The following SERPINA3 variants were observed in gnomAD, a reference collection of about 807,000 sequenced individuals.
SERPINA3 encodes the protein serpin family A member 3, also known as alpha-1-antichymotrypsin.
A neutral mutation model predicts 26.8 loss-of-function variants in SERPINA3; 32 were observed. The observed-to-expected ratio is 1.20, with a 90% CI of 0.90 to 1.61. SERPINA3 has a LOEUF of 1.61. SERPINA3 is among the 40% of genes most tolerant of loss of function. SERPINA3 has a pLI of 0.00. For missense variants in SERPINA3, 632 were observed against 517.9 expected, an observed-to-expected ratio of 1.22 and a Z score of -2.14; for synonymous variants, 252 against 206.4, an observed-to-expected ratio of 1.22 and a Z score of -1.89.
Position 94,614,934 on chromosome 14 carries a change from G to A in SERPINA3, c.493G>A (p.Ala165Thr), listed in dbSNP as rs866271505. 5.6e-6 allele frequency: 9 copies of A among 1,613,528 alleles called. No individual in the cohort carries two copies. The highest frequency in any genetic ancestry group is 2.2e-5 in the East Asian group (1 of 44,870). ...EDAKRLYGSE[A>T]FATDFQDSAA... ...TGCCAAGAGGCTGTATGGCTCCGAG[G>A]CCTTTGCCACTGACTTTCAGGACTC... Residue 165 changes from alanine to threonine, a missense_variant, in exon 2 of 5, where the codon GCC becomes ACC. Transcript: ENST00000393078.
chr14:94,618,169 G>A (rs763012760), intron 2 of SERPINA3: 5 of 152,142 alleles, frequency 3.3e-5, no homozygotes, highest in Non-Finnish European at 7.4e-5. Context: ...AGTTTCTGAT[G>A]AGAAGTCTGC....
intron 4 of SERPINA3, among the ~76,000 whole-genome samples, chr14:94,623,229 G>A (rs1275120782): frequency 6.6e-6 from 1 of 152,216 alleles, no homozygotes; most frequent in African/African-American, 2.4e-5. Context: ...AGCTGCTTGT[G>A]GTCAAGAGCT....
At chr14:94,617,200 C>A (rs1204651813) in intron 2 of SERPINA3, among the ~76,000 whole-genome samples, 1 of 152,190 alleles carries the variant, frequency 6.6e-6, no homozygotes, top group African/African-American at 2.4e-5. Flanking sequence ...ACGGGGACAC[C>A]TGTTCAACTG....
At chr14:94,618,822 G>T (rs957745335) in intron 2 of SERPINA3, 10 of 372,476 alleles carry the variant, frequency 2.7e-5, no homozygotes, top group Non-Finnish European at 4.6e-5. Context: ...AATTGCTAAT[G>T]AGACATTTTT....
In SERPINA3 at chr14:94,614,911, C is replaced by T. The variant is rs1016947067; in HGVS notation, c.470C>T (p.Ala157Val). Residue 157 changes from alanine to valine, a missense_variant, in exon 2 of 5, where the codon GCC becomes GTC. Transcript: ENST00000393078. ...CTGCTGGACAGGTTCACGGAGGATG[C>T]CAAGAGGCTGTATGGCTCCGAGGCC... ...LSLLDRFTED[A>V]KRLYGSEAFA... 2 of 1,614,012 alleles carry T rather than the reference C, an allele frequency of 1.2e-6. No homozygotes were observed. The highest frequency in any genetic ancestry group is 1.7e-6 in the Non-Finnish European group (2 of 1,179,990).
rs1463932939 is a variant in SERPINA3 at position 94,612,452 on chromosome 14, T to C, written c.-9+5T>C. ...ACATCCAGCTCCCTGAGGCAGGTAA[T>C]CCATGATGTTTTACATCCTGGGAGC... On this transcript the variant is annotated splice_donor_5th_base_variant and intron_variant, in intron 1 of 4. Coordinates refer to ENST00000393078, the MANE Select transcript of SERPINA3 (RefSeq NM_001085.5). 1.5e-6 allele frequency: 2 copies of C among 1,360,930 alleles called. No individual in the cohort carries two copies. The highest frequency in any genetic ancestry group is 3.8e-5 in the Admixed American group (2 of 52,446). The allele number at this position is 1,360,930 out of a possible 1,614,324, so 84.3% of individuals were successfully genotyped here.
rs1394856275 is a variant in SERPINA3, at chr14:94,615,055, T to C, written c.614T>C (p.Met205Thr). Residue 205 changes from methionine (M) to threonine (T), a missense_variant, in exon 2 of 5, where the codon ATG becomes ACG. Physicochemically the swap from Met to Thr is moderately conservative, Grantham distance 81. Transcript: ENST00000393078. The part of the protein sequence containing the change: ...LIKDLDSQTM[M>T]VLVNYIFFKA... ...AAGGACCTTGACTCGCAGACAATGA[T>C]GGTCCTGGTGAATTACATCTTCTTT... 2 of 1,614,102 alleles carry C rather than the reference T, an allele frequency of 1.2e-6. No homozygotes were observed. Among genetic ancestry groups the C allele is most frequent in the Non-Finnish European group, 1.7e-6 (2 of 1,180,008 alleles).
At chr14:94,616,481 G>A (rs1037400064) in intron 2 of SERPINA3, among the ~76,000 whole-genome samples, 3 of 152,146 alleles carry the variant, frequency 2.0e-5, no homozygotes, top group East Asian at 1.9e-4. Flanking sequence ...GGAGGGGACC[G>A]AGCATGCATG....
chr14:94,615,228 G>T, intron 2 of SERPINA3, 144 bp downstream of exon 2: 1 of 916,316 alleles, frequency 1.1e-6, no homozygotes, highest in African/African-American at 1.6e-5. Context: ...GCCCCACCCT[G>T]CCCATAGGCA....
intron 3 of SERPINA3, 158 bp downstream of exon 3, chr14:94,619,626 T>C: frequency 1.2e-6 from 1 of 845,150 alleles, no homozygotes; most frequent in Non-Finnish European, 1.9e-6. Context: ...GGGCTTGATT[T>C]TTCTTTTTCT....
chr14:94,622,294 G>A (rs539437890), intron 3 of SERPINA3, 47 bp from the exon 4 acceptor site: 55 of 1,602,252 alleles, frequency 3.4e-5, no homozygotes, highest in Non-Finnish European at 4.7e-5. Context: ...AGGCAGGTAG[G>A]TACTGATCAG....
chr14:94,618,842 G>T, intron 2 of SERPINA3: 1 of 412,048 alleles, frequency 2.4e-6, no homozygotes, highest in Non-Finnish European at 4.6e-6. Context: ...TCCTTTTATG[G>T]AACAAAGGCT....
intron 2 of SERPINA3, 85 bp from the exon 3 acceptor site, chr14:94,619,110 T>C (rs559402956): frequency 1.3e-6 from 2 of 1,511,926 alleles, no homozygotes; most frequent in Non-Finnish European, 1.8e-6. Context: ...TGAGGGACTC[T>C]GGGCACTTCC....
chr14:94,621,175 C>T (rs960530090), intron 3 of SERPINA3, among the ~76,000 whole-genome samples: 1 of 152,166 alleles, frequency 6.6e-6, no homozygotes, highest in African/African-American at 2.4e-5. Context: ...CTCTAGATCC[C>T]AGGAGACCCC....
In SERPINA3 at chr14:94,614,440, G is replaced by A. The variant is rs151293777; in HGVS notation, c.-2G>A. ...AAGGAGCTTTGCTTTTCAGAGTTGAGAATGGAGAGAATGTTACCTCTCCTG... is the reference window on the plus strand; with the variant it reads ...AAGGAGCTTTGCTTTTCAGAGTTGAAAATGGAGAGAATGTTACCTCTCCTG... On this transcript the variant is annotated 5_prime_UTR_variant, in exon 2 of 5. Coordinates refer to ENST00000393078, the MANE Select transcript of SERPINA3 (RefSeq NM_001085.5). 5.0e-6 allele frequency: 8 copies of A among 1,613,308 alleles called. No individual in the cohort carries two copies. The African/African-American group carries it at 6.7e-5, about 13-fold the overall frequency.
At chr14:94,621,927 C>T (rs917070391) in intron 3 of SERPINA3, among the ~76,000 whole-genome samples, 9 of 152,234 alleles carry the variant, frequency 5.9e-5, no homozygotes, top group Non-Finnish European at 1.3e-4. Flanking sequence ...TGGGACTCAG[C>T]CTCAACACCA....
intron 3 of SERPINA3, among the ~76,000 whole-genome samples, chr14:94,620,269 G>C (rs893294525): frequency 3.3e-5 from 5 of 152,194 alleles, no homozygotes; most frequent in African/African-American, 1.2e-4. Context: ...AGGTGGAAGT[G>C]AGCTTGATGT....
At chr14:94,621,125 G>A (rs1041254823) in intron 3 of SERPINA3, among the ~76,000 whole-genome samples, 11 of 152,026 alleles carry the variant, frequency 7.2e-5, no homozygotes, top group East Asian at 1.9e-4. Context: ...CCAGAAGGCC[G>A]GACACCTCTC....
intron 2 of SERPINA3, among the ~76,000 whole-genome samples, chr14:94,617,166 C>T (rs946177124): frequency 6.6e-6 from 1 of 152,134 alleles, no homozygotes; most frequent in Non-Finnish European, 1.5e-5. Flanking sequence ...CACAGAAGCC[C>T]CTGAATGGCT....
Sources: allele counts gnomAD v4.1 joint callset (sites outside exome capture counted in the v4.1 genomes callset), GRCh38; gene constraint gnomAD v4.1.1; transcripts MANE v1.5; gene names NCBI Gene and HGNC (gene_info 2026-07-23, HGNC 2026-07-21).